PLCB4: variants seen among roughly 807,000 people sequenced by gnomAD.
PLCB4 encodes 1-phosphatidylinositol 4,5-bisphosphate phosphodiesterase beta-4.
In PLCB4, 77 loss-of-function variants were observed where a neutral mutation model predicts 178.8. The ratio of observed to expected loss-of-function variants is 0.43; its 90% CI spans 0.36 to 0.52. The LOEUF (loss-of-function observed/expected upper bound fraction) is 0.52. PLCB4 is among the 20% of genes least tolerant of loss of function. The pLI is 0.00. For synonymous variants in PLCB4, 496 were observed against 490.8 expected (o/e 1.01, Z -0.14); for missense variants, 1,024 against 1,453.4 (o/e 0.70, Z 4.80).
At chr20:9,091,765 C>T (rs2090689317) in intron 1 of PLCB4, among the ~76,000 whole-genome samples, 1 of 151,674 alleles carries the variant, frequency 6.6e-6, no homozygotes, top group Non-Finnish European at 1.5e-5. Flanking sequence ...GACATTTGAC[C>T]ATTAAATACA....
intron 7 of PLCB4, among the ~76,000 whole-genome samples, chr20:9,343,994 A>C (rs1228421751): frequency 6.6e-6 from 1 of 152,198 alleles, no homozygotes; most frequent in East Asian, 1.9e-4. Context: ...AGAGGTATCT[A>C]ACTGGTCTCT....
At chr20:9,100,811 A>G (rs1438420396) in intron 2 of PLCB4, among the ~76,000 whole-genome samples, 2 of 152,096 alleles carry the variant, frequency 1.3e-5, no homozygotes, top group Non-Finnish European at 2.9e-5. Context: ...TTGAGTTCTT[A>G]AGCATATTGT....
chr20:9,108,102 A>C (rs1254545217), intron 2 of PLCB4, among the ~76,000 whole-genome samples: 1 of 152,114 alleles, frequency 6.6e-6, no homozygotes, highest in Non-Finnish European at 1.5e-5. Flanking sequence ...TTGAATGGAG[A>C]AGATCAGGAG....
intron 2 of PLCB4, among the ~76,000 whole-genome samples, chr20:9,130,056 C>T (rs542162325): frequency 6.6e-6 from 1 of 152,020 alleles, no homozygotes; most frequent in East Asian, 1.9e-4. Flanking sequence ...TATTTAGCAG[C>T]AAGCTTAGAA....
At chr20:9,375,606 T>A (rs1197695676) in intron 12 of PLCB4, among the ~76,000 whole-genome samples, 1 of 152,162 alleles carries the variant, frequency 6.6e-6, no homozygotes, top group African/African-American at 2.4e-5. Flanking sequence ...ATCCTTTGAG[T>A]ATGATACGAT....
At chr20:9,442,976 A>C (rs953331971) in intron 30 of PLCB4, among the ~76,000 whole-genome samples, 13 of 152,186 alleles carry the variant, frequency 8.5e-5, no homozygotes, top group African/African-American at 3.1e-4. Flanking sequence ...AATGGAAATC[A>C]ATTACAGCAC....
At chr20:9,220,293 A>G (rs1430766745) in intron 3 of PLCB4, among the ~76,000 whole-genome samples, 6 of 152,120 alleles carry the variant, frequency 3.9e-5, no homozygotes, top group Non-Finnish European at 8.8e-5. Context: ...CTTCTGAAAA[A>G]CCTATCTAAT....
chr20:9,371,934 A>C (rs1481017365), intron 10 of PLCB4, among the ~76,000 whole-genome samples: 1 of 152,238 alleles, frequency 6.6e-6, no homozygotes, highest in African/African-American at 2.4e-5. Context: ...CAAAATAAGC[A>C]TAATTAAACC....
At chr20:9,464,776 T>G (rs562828704) in intron 35 of PLCB4, among the ~76,000 whole-genome samples, 13 of 152,180 alleles carry the variant, frequency 8.5e-5, no homozygotes, top group African/African-American at 3.1e-4. Flanking sequence ...GCTCTAAAGT[T>G]GAGGCAATAA....
intron 20 of PLCB4, among the ~76,000 whole-genome samples, chr20:9,403,707 T>G (rs1016902613): frequency 5.9e-5 from 9 of 152,222 alleles, no homozygotes; most frequent in Admixed American, 2.6e-4. Context: ...CACCTTTGAT[T>G]GGCTGAAACT....
At chr20:9,333,616 A>G (rs2032018771) in intron 4 of PLCB4, among the ~76,000 whole-genome samples, 1 of 152,156 alleles carries the variant, frequency 6.6e-6, no homozygotes, top group African/African-American at 2.4e-5. Flanking sequence ...AATCCATTGA[A>G]TGGTTTTAAT....
chr20:9,349,452 A>T (rs777672156), intron 7 of PLCB4, among the ~76,000 whole-genome samples: 1 of 152,188 alleles, frequency 6.6e-6, no homozygotes, highest in Admixed American at 6.6e-5. Flanking sequence ...TTAGGTTTCA[A>T]TGTAACCGCA....
chr20:9,200,555 A>C (rs1046940754), intron 2 of PLCB4, among the ~76,000 whole-genome samples: 3 of 152,208 alleles, frequency 2.0e-5, no homozygotes, highest in African/African-American at 4.8e-5. Flanking sequence ...CATTTAATTG[A>C]AAATCAGATC....
At chr20:9,276,806 T>C (rs1381710652) in intron 3 of PLCB4, among the ~76,000 whole-genome samples, 2 of 151,966 alleles carry the variant, frequency 1.3e-5, no homozygotes, top group Admixed American at 6.6e-5. Context: ...ACCAGGGAGC[T>C]ACTTAGAAAC....
At chr20:9,457,598 A>G (rs1190020330) in intron 34 of PLCB4, 109 bp downstream of exon 34, 2 of 685,738 alleles carry the variant, frequency 2.9e-6, no homozygotes, top group Non-Finnish European at 5.4e-6. Flanking sequence ...GAGCTGGTCT[A>G]GTAGCCTGCA....
At chr20:9,232,671 A>C (rs1425260728) in intron 3 of PLCB4, among the ~76,000 whole-genome samples, 2 of 152,166 alleles carry the variant, frequency 1.3e-5, no homozygotes, top group East Asian at 1.9e-4. Context: ...GATGCAGTGC[A>C]AAGGACTAAA....
intron 7 of PLCB4, among the ~76,000 whole-genome samples, chr20:9,356,876 G>T (rs1427757128): frequency 2.0e-4 from 30 of 152,094 alleles, no homozygotes; most frequent in Admixed American, 1.9e-3. Context: ...AGCACTTTAG[G>T]AGGCCGAAGC....
intron 18 of PLCB4, among the ~76,000 whole-genome samples, chr20:9,393,894 T>G (rs1214472211): frequency 2.6e-5 from 4 of 152,188 alleles, no homozygotes; most frequent in Admixed American, 1.3e-4. Flanking sequence ...TATCTATATA[T>G]TCAAATGCCA....
intron 7 of PLCB4, among the ~76,000 whole-genome samples, chr20:9,344,622 A>C (rs6077516): frequency 0.12 from 18,255 of 152,268 alleles, 1,196 homozygotes; most frequent in Middle Eastern, 0.14. Context: ...GTTAGAACAG[A>C]CAGGAAGATG....
Sources: allele counts gnomAD v4.1 joint callset (sites outside exome capture counted in the v4.1 genomes callset), GRCh38; gene constraint gnomAD v4.1.1; transcripts MANE v1.5; gene names NCBI Gene and HGNC (gene_info 2026-07-23, HGNC 2026-07-21).